Variants in MARCHF1 observed in about 807,000 individuals in gnomAD.
MARCHF1 encodes E3 ubiquitin-protein ligase MARCHF1.
Under a neutral mutation model 54.2 loss-of-function variants are expected in MARCHF1, and 40 were observed. The ratio of observed to expected loss-of-function variants is 0.74; its 90% CI spans 0.57 to 0.96. MARCHF1 has a LOEUF of 0.96. Among genes scored for constraint, MARCHF1 ranks in the 40% least tolerant of loss-of-function variants. The probability of loss-of-function intolerance (pLI) is 0.00; values close to 1 mark genes in which losing one functional copy is unlikely to be tolerated. For synonymous variants in MARCHF1, 236 were observed against 236.3 expected (o/e 1.00, Z 0.01); for missense variants, 586 against 656.5 (o/e 0.89, Z 1.17).
At chr4:163,910,811 C>T (rs1751173667) in intron 3 of MARCHF1, among the ~76,000 whole-genome samples, 1 of 152,146 alleles carries the variant, frequency 6.6e-6, no homozygotes, top group African/African-American at 2.4e-5. Flanking sequence ...TAGTAATCTT[C>T]TAAAGTTCCT....
At chr4:163,629,996 A>G (rs1034603146) in intron 5 of MARCHF1, among the ~76,000 whole-genome samples, 11 of 152,220 alleles carry the variant, frequency 7.2e-5, no homozygotes. Context: ...AGCAACTGAA[A>G]GTTTTGTACA....
At chr4:163,742,426 C>CCTTCCTTT (rs1170312649) in intron 4 of MARCHF1, among the ~76,000 whole-genome samples, 7 of 134,014 alleles carry the variant, frequency 5.2e-5, no homozygotes, top group Non-Finnish European at 7.9e-5. Flanking sequence ...TTCCTTCCTT[C>CCTTCCTTT]CTTCCTTTTC....
intron 4 of MARCHF1, among the ~76,000 whole-genome samples, chr4:163,767,293 A>G (rs540500716): frequency 6.6e-6 from 1 of 151,916 alleles, no homozygotes; most frequent in African/African-American, 2.4e-5. Flanking sequence ...CCTAGTTATC[A>G]ACAGAGAACA....
intron 1 of MARCHF1, among the ~76,000 whole-genome samples, chr4:164,142,842 G>C (rs550592955): frequency 0.012 from 1,843 of 152,262 alleles, 37 homozygotes; most frequent in East Asian, 0.085. Flanking sequence ...GACGAGCTGA[G>C]AGAAGAAGGC....
intron 1 of MARCHF1, among the ~76,000 whole-genome samples, chr4:164,177,086 T>C (rs982898635): frequency 6.7e-6 from 1 of 149,714 alleles, no homozygotes; most frequent in Non-Finnish European, 1.5e-5. Context: ...CAGTCTTTTC[T>C]GATATATTCC....
chr4:164,306,598 T>A (rs1734701111), intron 1 of MARCHF1, among the ~76,000 whole-genome samples: 1 of 152,172 alleles, frequency 6.6e-6, no homozygotes, highest in Non-Finnish European at 1.5e-5. Flanking sequence ...TGATCTTAGA[T>A]CATAATCTAT....
intron 1 of MARCHF1, among the ~76,000 whole-genome samples, chr4:164,138,113 A>G (rs1756440211): frequency 6.6e-6 from 1 of 152,126 alleles, no homozygotes; most frequent in Non-Finnish European, 1.5e-5. Context: ...GGGAGGAGTG[A>G]GAGTATTTAT....
At chr4:164,015,693 C>T (rs902681168) in intron 2 of MARCHF1, among the ~76,000 whole-genome samples, 1 of 150,440 alleles carries the variant, frequency 6.6e-6, no homozygotes, top group African/African-American at 2.5e-5. Context: ...CACAAATGGC[C>T]AATAGTATAT....
chr4:164,025,421 T>G (rs1753745404), intron 2 of MARCHF1, among the ~76,000 whole-genome samples: 2 of 151,694 alleles, frequency 1.3e-5, no homozygotes, highest in African/African-American at 2.4e-5. Context: ...AAACAGAAAT[T>G]ACTATCAAGA....
At chr4:163,886,829 T>A (rs185831912) in intron 3 of MARCHF1, among the ~76,000 whole-genome samples, 37 of 152,228 alleles carry the variant, frequency 2.4e-4, no homozygotes, top group African/African-American at 8.2e-4. Flanking sequence ...GAGGAACACA[T>A]TTTCTAAAGA....
intron 2 of MARCHF1, among the ~76,000 whole-genome samples, chr4:164,082,564 T>C (rs189175526): frequency 6.6e-6 from 1 of 152,324 alleles, no homozygotes; most frequent in African/African-American, 2.4e-5. Flanking sequence ...TCACACATTT[T>C]CTAGAAGGCA....
chr4:163,900,741 A>G (rs1406569884), intron 3 of MARCHF1, among the ~76,000 whole-genome samples: 4 of 152,160 alleles, frequency 2.6e-5, no homozygotes, highest in East Asian at 1.9e-4. Context: ...GTCTAACAGC[A>G]TATATTAGGA....
At chr4:163,704,189 T>A (rs566011443) in intron 4 of MARCHF1, among the ~76,000 whole-genome samples, 2 of 151,770 alleles carry the variant, frequency 1.3e-5, no homozygotes, top group Non-Finnish European at 2.9e-5. Flanking sequence ...TAATCTGATA[T>A]TCTGCAATTT....
chr4:163,816,513 G>T (rs1466891867), intron 4 of MARCHF1, among the ~76,000 whole-genome samples: 1 of 151,394 alleles, frequency 6.6e-6, no homozygotes, highest in Non-Finnish European at 1.5e-5. Context: ...CCTTTTATTA[G>T]GAATACTATT....
In MARCHF1 at chr4:164,278,002, A is replaced by T. The variant is rs559224120; in HGVS notation, c.-323+105868T>A. On this transcript the variant is annotated intron_variant, in intron 1 of 9. Transcript: ENST00000514618. Reference sequence around the variant, plus strand: ...ATGAAAAGGAAGGCTTCAAACTAATAACCAATAGATTTTTTAAAAAAAGAA... The same window carrying T: ...ATGAAAAGGAAGGCTTCAAACTAATTACCAATAGATTTTTTAAAAAAAGAA... 9.8e-5 allele frequency among the ~76,000 whole-genome samples: 15 copies of T among 152,320 alleles called. No homozygotes were observed. The South Asian group carries it at 2.9e-3, about 29-fold the overall frequency.
intron 2 of MARCHF1, among the ~76,000 whole-genome samples, chr4:164,020,871 C>T (rs1319105229): frequency 6.6e-6 from 1 of 152,172 alleles, no homozygotes; most frequent in Non-Finnish European, 1.5e-5. Context: ...GTCAAGGCTG[C>T]AGTGAACTGT....
intron 1 of MARCHF1, among the ~76,000 whole-genome samples, chr4:164,198,854 T>C (rs936033681): frequency 3.3e-5 from 5 of 152,146 alleles, no homozygotes; most frequent in African/African-American, 9.7e-5. Context: ...TCCAGACAAA[T>C]AGAAATACAT....
chr4:163,978,760 A>C (rs958996771), intron 3 of MARCHF1, among the ~76,000 whole-genome samples: 17 of 151,920 alleles, frequency 1.1e-4, no homozygotes, highest in African/African-American at 4.1e-4. Flanking sequence ...TAGAGACAAG[A>C]TCCCTCTCTG....
intron 4 of MARCHF1, among the ~76,000 whole-genome samples, chr4:163,718,522 T>G (rs1036263605): frequency 1.3e-5 from 2 of 152,208 alleles, no homozygotes; most frequent in African/African-American, 4.8e-5. Context: ...AACTGCTCTA[T>G]GAGATCAATA....
Sources: allele counts gnomAD v4.1 joint callset (sites outside exome capture counted in the v4.1 genomes callset), GRCh38; gene constraint gnomAD v4.1.1; transcripts MANE v1.5; gene names NCBI Gene and HGNC (gene_info 2026-07-23, HGNC 2026-07-21).